ADARB2: variants seen among roughly 807,000 people sequenced by gnomAD.
ADARB2 encodes adenosine deaminase RNA specific B2 (inactive), also known as inactive double-stranded RNA-specific editase B2.
Under a neutral mutation model 62.2 loss-of-function variants are expected in ADARB2, and 25 were observed. That is an observed-to-expected ratio of 0.40 (90% CI 0.29 to 0.56). The LOEUF (loss-of-function observed/expected upper bound fraction) is 0.56. ADARB2 is among the 20% of genes least tolerant of loss of function. ADARB2 has a pLI of 0.43. For missense variants in ADARB2, 1,071 were observed against 1,077.4 expected, an observed-to-expected ratio of 0.99 and a Z score of 0.08; for synonymous variants, 572 against 500.8, an observed-to-expected ratio of 1.14 and a Z score of -1.90.
chr10:1,401,682 C>T (rs1019984593), intron 1 of ADARB2, among the ~76,000 whole-genome samples: 2 of 152,074 alleles, frequency 1.3e-5, no homozygotes, highest in African/African-American at 4.8e-5. Flanking sequence ...GGCTTCACGG[C>T]GGTTTGGGAG....
Position 1,312,622 on chromosome 10 carries a change from GTAACCC to G in ADARB2, c.1078-41559_1078-41554del, listed in dbSNP as rs1831702704. On this transcript the variant is annotated intron_variant, in intron 3 of 9. Coordinates refer to ENST00000381312, the MANE Select transcript of ADARB2 (RefSeq NM_018702.4). ...TGCACATCTCCCTTTGGCTGTCACA[GTAACCC>G]TTTGAGGTAGGCGCTGCCACGTTTC... 4.6e-5 allele frequency among the ~76,000 whole-genome samples: 7 copies of G among 152,360 alleles called. No homozygotes were observed. In the South Asian group the frequency reaches 1.4e-3, roughly 32 times the overall value.
intron 1 of ADARB2, among the ~76,000 whole-genome samples, chr10:1,649,094 G>A (rs1057037470): frequency 6.6e-5 from 10 of 152,280 alleles, no homozygotes; most frequent in African/African-American, 2.2e-4. Flanking sequence ...TGGGGTACCC[G>A]GGGTGCACAG....
intron 3 of ADARB2, among the ~76,000 whole-genome samples, chr10:1,272,297 G>A (rs1370234378): frequency 6.6e-6 from 1 of 152,190 alleles, no homozygotes; most frequent in African/African-American, 2.4e-5. Context: ...TCCACCGGGC[G>A]TGTGTGGACG....
At chr10:1,330,327 C>T (rs913024291) in intron 3 of ADARB2, among the ~76,000 whole-genome samples, 1 of 152,166 alleles carries the variant, frequency 6.6e-6, no homozygotes, top group Admixed American at 6.5e-5. Flanking sequence ...ATATGCACCC[C>T]AAGTACTTTA....
At chr10:1,403,040 G>A (rs1001510579) in intron 1 of ADARB2, among the ~76,000 whole-genome samples, 1 of 119,712 alleles carries the variant, frequency 8.4e-6, no homozygotes, top group South Asian at 3.3e-4. Flanking sequence ...AGGTGCGCTC[G>A]TGCGCCTGGA....
chr10:1,266,154 G>A (rs1023337220), intron 4 of ADARB2, among the ~76,000 whole-genome samples: 1 of 152,166 alleles, frequency 6.6e-6, no homozygotes, highest in Non-Finnish European at 1.5e-5. Context: ...CACGGTCCAC[G>A]CCCTCTGAGA....
intron 1 of ADARB2, among the ~76,000 whole-genome samples, chr10:1,629,816 G>T (rs181020610): frequency 1.2e-3 from 185 of 152,184 alleles, no homozygotes; most frequent in African/African-American, 4.2e-3. Flanking sequence ...CCTTGCACAT[G>T]CCATTCCGAG....
intron 4 of ADARB2, among the ~76,000 whole-genome samples, chr10:1,243,417 T>C (rs1830946590): frequency 6.6e-6 from 1 of 152,180 alleles, no homozygotes; most frequent in African/African-American, 2.4e-5. Flanking sequence ...AATCGACTAA[T>C]TAATGTCACG....
At chr10:1,190,990 C>T (rs988745792) in intron 8 of ADARB2, among the ~76,000 whole-genome samples, 11 of 152,040 alleles carry the variant, frequency 7.2e-5, no homozygotes, top group African/African-American at 2.2e-4. Context: ...CCCCACACTT[C>T]GCAGAACAGG....
intron 4 of ADARB2, among the ~76,000 whole-genome samples, chr10:1,260,790 T>G (rs2131790086): frequency 8.4e-6 from 1 of 119,388 alleles, no homozygotes; most frequent in East Asian, 2.8e-4. Context: ...TTCACAGAAT[T>G]GGAAAAAACT....
At chr10:1,664,612 A>G (rs556204938) in intron 1 of ADARB2, among the ~76,000 whole-genome samples, 2 of 152,084 alleles carry the variant, frequency 1.3e-5, no homozygotes, top group South Asian at 2.1e-4. Flanking sequence ...GGCATCTCTC[A>G]TGTTCATCAT....
chr10:1,704,042 G>GA lies in ADARB2; in HGVS notation c.100+33008_100+33009insT, dbSNP rs1211167468. On this transcript the variant is annotated intron_variant, in intron 1 of 9. Transcript: ENST00000381312. This position sits in a 1 kb window ranked among gnomAD's most constrained non-coding sequence, Gnocchi z 5.6. ...TTGTGACAAGTTACCTCAAGAGTTA[G>GA]TATCTTAAAAGAACAAACACTATAT... Among the ~76,000 whole-genome samples, 88 of 152,268 alleles carry GA rather than the reference G, an allele frequency of 5.8e-4. No homozygotes were observed. Among genetic ancestry groups the GA allele is most frequent in the Admixed American group, 2.6e-4 (4 of 15,292 alleles).
chr10:1,315,398 G>A (rs935784635), intron 3 of ADARB2, among the ~76,000 whole-genome samples: 2 of 152,226 alleles, frequency 1.3e-5, no homozygotes, highest in East Asian at 3.8e-4. Flanking sequence ...TGAGCGTGGC[G>A]TTTGGCATGG....
At chr10:1,329,138 G>C (rs1831904673) in intron 3 of ADARB2, among the ~76,000 whole-genome samples, 1 of 152,100 alleles carries the variant, frequency 6.6e-6, no homozygotes, top group South Asian at 2.1e-4. Context: ...CAGGTATGCA[G>C]ATAAAGGATT....
At chr10:1,354,859 C>A (rs1832178897) in intron 3 of ADARB2, among the ~76,000 whole-genome samples, 1 of 152,210 alleles carries the variant, frequency 6.6e-6, no homozygotes, top group Non-Finnish European at 1.5e-5. Flanking sequence ...ATTGTCTACC[C>A]CAGGGAGGCT....
At chr10:1,662,582 A>G (rs2119090178) in intron 1 of ADARB2, among the ~76,000 whole-genome samples, 1 of 152,326 alleles carries the variant, frequency 6.6e-6, no homozygotes, top group East Asian at 1.9e-4. Flanking sequence ...TAATTTTACC[A>G]CAGCTATTAA....
chr10:1,723,428 T>A (rs1287542743), intron 1 of ADARB2, among the ~76,000 whole-genome samples: 1 of 152,192 alleles, frequency 6.6e-6, no homozygotes, highest in Non-Finnish European at 1.5e-5. Flanking sequence ...AGGCTCTGAT[T>A]CAGGCTTGCT....
At chr10:1,353,849 C>T (rs1832168741) in intron 3 of ADARB2, among the ~76,000 whole-genome samples, 2 of 152,300 alleles carry the variant, frequency 1.3e-5, no homozygotes, top group East Asian at 1.9e-4. Context: ...GCTAGGAAGA[C>T]ACCCTGTATT....
At chr10:1,725,940 C>A (rs1198959337) in intron 1 of ADARB2, among the ~76,000 whole-genome samples, 1 of 152,218 alleles carries the variant, frequency 6.6e-6, no homozygotes, top group South Asian at 2.1e-4. Context: ...AGGGGCTAAC[C>A]CCAGAATTCT....
Sources: allele counts gnomAD v4.1 joint callset (sites outside exome capture counted in the v4.1 genomes callset), GRCh38; gene constraint gnomAD v4.1.1; non-coding constraint Gnocchi (gnomAD v3.1); transcripts MANE v1.5; gene names NCBI Gene and HGNC (gene_info 2026-07-23, HGNC 2026-07-21).